Variants in CRACDL observed in about 807,000 individuals in gnomAD.
The protein encoded by CRACDL is CRACD-like protein.
CRACDL carries 26 observed loss-of-function variants against 70.6 expected under a neutral mutation model. The observed-to-expected ratio is 0.37, with a 90% CI of 0.27 to 0.51. The LOEUF (loss-of-function observed/expected upper bound fraction) is 0.51. Ranked by LOEUF, CRACDL falls within the 20% of genes least tolerant of loss-of-function variation. The probability of loss-of-function intolerance (pLI) is 0.94; values close to 1 mark genes in which losing one functional copy is unlikely to be tolerated. For synonymous variants in CRACDL, 618 were observed against 615.2 expected (o/e 1.00, Z -0.07); for missense variants, 1,283 against 1,376.9 (o/e 0.93, Z 1.08).
intron 7 of CRACDL, among the ~76,000 whole-genome samples, chr2:98,805,151 G>A (rs995151402): frequency 6.6e-6 from 1 of 152,168 alleles, no homozygotes; most frequent in African/African-American, 2.4e-5. Context: ...AAGGGGACAC[G>A]GCAGGGCCTC....
intron 1 of CRACDL, 95 bp from the exon 2 acceptor site, chr2:98,846,905 G>T: frequency 1.0e-6 from 1 of 999,368 alleles, no homozygotes; most frequent in Non-Finnish European, 1.6e-6. Flanking sequence ...CCATGATCTG[G>T]CCTGCACACA....
chr2:98,797,689 A>G, intron 7 of CRACDL, 152 bp from the exon 8 acceptor site: 1 of 664,720 alleles, frequency 1.5e-6, no homozygotes, highest in Non-Finnish European at 2.5e-6. Flanking sequence ...TTGTTTTCTT[A>G]TTAAAGATGC....
chr2:98,931,610 C>T (rs1709081436), intron 1 of CRACDL, among the ~76,000 whole-genome samples: 1 of 152,194 alleles, frequency 6.6e-6, no homozygotes, highest in African/African-American at 2.4e-5. Context: ...AGTTAAAAAC[C>T]AGCCCCACAC....
chr2:98,928,984 G>C (rs563611582), intron 1 of CRACDL, among the ~76,000 whole-genome samples: 55 of 151,946 alleles, frequency 3.6e-4, no homozygotes, highest in Non-Finnish European at 7.4e-4. Flanking sequence ...ATTTGACTCA[G>C]ACCTTCAAGG....
Position 98,908,604 on chromosome 2 carries a change from C to T in CRACDL, c.-11+27334G>A, listed in dbSNP as rs542571420. Reference sequence around the variant, plus strand: ...AAACTCACTCTATTGCTGCAAATGCCTATCAGGCAGATAAACTCCATTAAG... The same window carrying T: ...AAACTCACTCTATTGCTGCAAATGCTTATCAGGCAGATAAACTCCATTAAG... On this transcript the variant is annotated intron_variant, in intron 1 of 9. Coordinates refer to ENST00000397899, the MANE Select transcript of CRACDL (RefSeq NM_207362.3). 9.8e-5 allele frequency: 15 copies of T among 152,420 alleles called. No homozygotes were observed. In the East Asian group the frequency reaches 2.9e-3, roughly 29 times the overall value. 9.4% of individuals were successfully genotyped at this position (152,420 alleles called of 1,614,324 possible).
Position 98,822,555 on chromosome 2 carries a change from T to A in CRACDL, c.1718A>T (p.Lys573Met), listed in dbSNP as rs1474535240. 3.4e-6 allele frequency: 5 copies of A among 1,466,420 alleles called. No individual in the cohort carries two copies. The African/African-American group carries it at 4.4e-5, about 13-fold the overall frequency. The allele number at this position is 1,466,420 out of a possible 1,614,324, so 90.8% of individuals were successfully genotyped here. ...CGCTCGGCACGAGGACACCGAGAAC[T>A]TCTTCGCGCCTCGCAGCTCGGCACC... is the stretch of plus-strand genomic sequence containing the variant. Reference protein sequence around the residue: ...RGGAELRGAKKFSVSSCRARP... With the variant: ...RGGAELRGAKMFSVSSCRARP... The change falls in exon 7 of 10, where the codon AAG (lysine) becomes ATG (methionine). Residue 573 changes from lysine to methionine, a missense_variant. Around this residue, in one of 2 missense-constraint regions of CRACDL, gnomAD observed 921 missense variants for 881.9 expected, o/e 1.04. Transcript: ENST00000397899. The surrounding 1 kb of genome is among the most constrained non-coding windows in gnomAD (Gnocchi z 4.9).
rs1705114837 is a variant in CRACDL at position 98,822,633 on chromosome 2, G to T, written c.1640C>A (p.Ala547Glu). The change falls in exon 7 of 10, where the codon GCG (alanine) becomes GAG (glutamate). Residue 547 changes from alanine (A) to glutamate (E), a missense_variant. This residue lies in a region of CRACDL where 921 missense variants were observed against 881.9 expected (regional missense o/e 1.04). Coordinates refer to ENST00000397899, the MANE Select transcript of CRACDL (RefSeq NM_207362.3). The surrounding 1 kb of genome is among the most constrained non-coding windows in gnomAD (Gnocchi z 4.9). Reference sequence around the variant, plus strand: ...CGCCCTCTCGGCGCCCGCCGGTGGCGCCTCGGCTCGCTCGGCCTTGGGGCG... The same window carrying T: ...CGCCCTCTCGGCGCCCGCCGGTGGCTCCTCGGCTCGCTCGGCCTTGGGGCG... ...PERPKAERAE[A>E]PPAGAERAAP... The T allele has an allele frequency of 7.3e-7, 1 of 1,364,352 alleles. No homozygotes were observed. Among genetic ancestry groups the T allele is most frequent in the South Asian group, 1.7e-5 (1 of 58,524 alleles). 84.5% of individuals were successfully genotyped at this position (1,364,352 alleles called of 1,614,324 possible).
chr2:98,908,761 A>T (rs990744748), intron 1 of CRACDL, among the ~76,000 whole-genome samples: 1 of 152,002 alleles, frequency 6.6e-6, no homozygotes, highest in African/African-American at 2.4e-5. Flanking sequence ...TGGTGCAACG[A>T]CATTCAGAGT....
At chr2:98,795,118 C>A in intron 9 of CRACDL, among the ~76,000 whole-genome samples, 1 of 129,536 alleles carries the variant, frequency 7.7e-6, no homozygotes, top group Non-Finnish European at 1.6e-5. Context: ...CTGTGTTGCC[C>A]AGGCTGGAGT....
At chr2:98,865,748 C>A (rs2104583309) in intron 1 of CRACDL, among the ~76,000 whole-genome samples, 1 of 152,012 alleles carries the variant, frequency 6.6e-6, no homozygotes, top group South Asian at 2.1e-4. Flanking sequence ...CAAGACCGGA[C>A]CTCACTGCAG....
chr2:98,918,004 CT>C (rs1325543577), intron 1 of CRACDL, among the ~76,000 whole-genome samples: 19 of 152,220 alleles, frequency 1.2e-4, no homozygotes, highest in African/African-American at 4.3e-4. Flanking sequence ...ATCACATTTT[CT>C]TTGTCCAATC....
chr2:98,822,257 C>A lies in CRACDL; in HGVS notation c.2016G>T (p.Glu672Asp). Residue 672 changes from glutamate to aspartate, a missense_variant, in exon 7 of 10, where the codon GAG becomes GAT. Physicochemically the swap from Glu to Asp is conservative, Grantham distance 45 (BLOSUM62 2). Coordinates refer to ENST00000397899, the MANE Select transcript of CRACDL (RefSeq NM_207362.3). This position sits in a 1 kb window ranked among gnomAD's most constrained non-coding sequence, Gnocchi z 4.9. ...GGTTTCTGTCCTCACTCGGGGCCGG[C>A]TCCTGGGCGGCTGGGCAGGGCTCTC... is the stretch of plus-strand genomic sequence containing the variant. Reference protein sequence around the residue: ...GTREPCPAAQEPAPSEDRNPF... With the variant: ...GTREPCPAAQDPAPSEDRNPF... The A allele has an allele frequency of 2.5e-6, 4 of 1,594,356 alleles. No individual in the cohort carries two copies. In the South Asian group the frequency reaches 3.3e-5, roughly 13 times the overall value.
At chr2:98,921,106 G>A (rs908672) in intron 1 of CRACDL, among the ~76,000 whole-genome samples, 76,737 of 152,092 alleles carry the variant, frequency 0.5, 20,814 homozygotes, top group African/African-American at 0.69. Context: ...GAGAGGAGCC[G>A]ATCCTCTCTC....
chr2:98,905,201 G>C (rs532749329), intron 1 of CRACDL, among the ~76,000 whole-genome samples: 17 of 146,848 alleles, frequency 1.2e-4, no homozygotes, highest in African/African-American at 4.3e-4. Flanking sequence ...AGTGAGCCGA[G>C]ATTGCACCAC....
intron 1 of CRACDL, among the ~76,000 whole-genome samples, chr2:98,861,622 A>G (rs962607743): frequency 2.0e-5 from 3 of 152,184 alleles, no homozygotes; most frequent in Non-Finnish European, 2.9e-5. Context: ...AAAGATTCTG[A>G]GAAAACGTTA....
intron 1 of CRACDL, among the ~76,000 whole-genome samples, chr2:98,931,281 C>A (rs897941981): frequency 1.3e-5 from 2 of 148,924 alleles, no homozygotes; most frequent in Non-Finnish European, 3.0e-5. Context: ...GCAGAGATCG[C>A]GCCACTGCAC....
intron 1 of CRACDL, among the ~76,000 whole-genome samples, chr2:98,918,387 G>A (rs1294414351): frequency 6.6e-6 from 1 of 151,830 alleles, no homozygotes; most frequent in Admixed American, 6.6e-5. Context: ...ACAAAAATTA[G>A]CCAGACATGG....
At chr2:98,895,630 C>T (rs930985377) in intron 1 of CRACDL, among the ~76,000 whole-genome samples, 1 of 152,156 alleles carries the variant, frequency 6.6e-6, no homozygotes, top group Non-Finnish European at 1.5e-5. Context: ...CAGAACATTA[C>T]ACCATGCTAA....
At chr2:98,853,037 G>C (rs867478751) in intron 1 of CRACDL, among the ~76,000 whole-genome samples, 1 of 132,874 alleles carries the variant, frequency 7.5e-6, no homozygotes, top group African/African-American at 2.8e-5. Flanking sequence ...GGAAAGGGAA[G>C]GGAAGGGGAA....
Sources: allele counts gnomAD v4.1 joint callset (sites outside exome capture counted in the v4.1 genomes callset), GRCh38; gene constraint gnomAD v4.1.1; regional missense constraint gnomAD v4.1.1; non-coding constraint Gnocchi (gnomAD v3.1); transcripts MANE v1.5; gene names NCBI Gene and HGNC (gene_info 2026-07-23, HGNC 2026-07-21).